The following RTN1 variants were observed in gnomAD, a reference collection of about 807,000 sequenced individuals.
The protein encoded by RTN1 is reticulon-1.
Under a neutral mutation model 65.5 loss-of-function variants are expected in RTN1, and 25 were observed. The ratio of observed to expected loss-of-function variants is 0.38; its 90% CI spans 0.28 to 0.53. The LOEUF (loss-of-function observed/expected upper bound fraction) is 0.53. Ranked by LOEUF, RTN1 falls within the 20% of genes least tolerant of loss-of-function variation. The pLI is 0.79. For missense variants in RTN1, 983 were observed against 1,025.4 expected, an observed-to-expected ratio of 0.96 and a Z score of 0.57; for synonymous variants, 471 against 447.6, an observed-to-expected ratio of 1.05 and a Z score of -0.66.
chr14:59,841,102 G>C (rs141757664), intron 1 of RTN1, among the ~76,000 whole-genome samples: 1 of 152,256 alleles, frequency 6.6e-6, no homozygotes, highest in African/African-American at 2.4e-5. Flanking sequence ...CAGAAGTGAA[G>C]ATGAAAGAGT....
At chr14:59,854,135 A>G (rs1438340904) in intron 1 of RTN1, among the ~76,000 whole-genome samples, 1 of 152,076 alleles carries the variant, frequency 6.6e-6, no homozygotes, top group Admixed American at 6.5e-5. Flanking sequence ...GCAGGATTAC[A>G]GGCGTGAGCC....
At chr14:59,601,157 C>T (rs78915521) in intron 8 of RTN1, among the ~76,000 whole-genome samples, 182 of 152,300 alleles carry the variant, frequency 1.2e-3, no homozygotes, top group African/African-American at 2.7e-3. Context: ...GTTGATCTTT[C>T]GACTCAGTTA....
At chr14:59,859,751 A>G (rs1036803830) in intron 1 of RTN1, among the ~76,000 whole-genome samples, 1 of 152,234 alleles carries the variant, frequency 6.6e-6, no homozygotes, top group Non-Finnish European at 1.5e-5. Flanking sequence ...AGCTGGTCTC[A>G]GATGGAAATG....
At chr14:59,785,990 T>C (rs868349067) in intron 1 of RTN1, among the ~76,000 whole-genome samples, 9 of 152,340 alleles carry the variant, frequency 5.9e-5, no homozygotes, top group Middle Eastern at 6.8e-3. Context: ...CAAGTCTCTG[T>C]GCTTTCTCAT....
At chr14:59,850,831 T>C (rs1320548964) in intron 1 of RTN1, among the ~76,000 whole-genome samples, 1 of 152,202 alleles carries the variant, frequency 6.6e-6, no homozygotes, top group Non-Finnish European at 1.5e-5. Flanking sequence ...AACCATCACA[T>C]GGGCACTAAG....
chr14:59,619,941 G>T (rs562938303), intron 3 of RTN1, among the ~76,000 whole-genome samples: 65 of 152,256 alleles, frequency 4.3e-4, no homozygotes, highest in Middle Eastern at 3.4e-3. Flanking sequence ...TTATCGTAAG[G>T]GGCTGGGTGG....
intron 3 of RTN1, among the ~76,000 whole-genome samples, chr14:59,670,999 C>G (rs1256766121): frequency 6.6e-6 from 1 of 152,132 alleles, no homozygotes; most frequent in Non-Finnish European, 1.5e-5. Context: ...TAGCAGTGCC[C>G]TCACTGATAC....
At chr14:59,625,303 C>T (rs993303284) in intron 3 of RTN1, among the ~76,000 whole-genome samples, 2 of 152,124 alleles carry the variant, frequency 1.3e-5, no homozygotes, top group African/African-American at 2.4e-5. Context: ...ATCAGTATTT[C>T]GTCAACCTTT....
chr14:59,635,561 GTCCTTTCAT>G lies in RTN1; in HGVS notation c.1766-28078_1766-28070del, dbSNP rs201219184. Among the ~76,000 whole-genome samples the G allele has an allele frequency of 5.0e-4, 76 of 152,268 alleles. 1 individual carries two copies. In the East Asian group the frequency reaches 0.011, roughly 23 times the overall value. ...GTGGGAAGAGTAAAAGCATTCTACA[GTCCTTTCAT>G]TGTTTAGGAGGAAAATAGAAGTACC... is the stretch of plus-strand genomic sequence containing the variant. On this transcript the variant is annotated intron_variant, in intron 3 of 8. Coordinates refer to ENST00000267484, the MANE Select transcript of RTN1 (RefSeq NM_021136.3).
intron 3 of RTN1, among the ~76,000 whole-genome samples, chr14:59,717,820 G>A (rs1268488343): frequency 6.6e-6 from 1 of 152,146 alleles, no homozygotes; most frequent in Non-Finnish European, 1.5e-5. Context: ...AAAAAGTTGG[G>A]TTACTGGAGG....
intron 1 of RTN1, among the ~76,000 whole-genome samples, chr14:59,834,571 G>C (rs780699051): frequency 7.2e-5 from 11 of 152,014 alleles, no homozygotes; most frequent in African/African-American, 2.4e-5. Flanking sequence ...CCTAATGAAA[G>C]AAGATATATG....
chr14:59,664,710 G>A (rs1337978548), intron 3 of RTN1, among the ~76,000 whole-genome samples: 1 of 151,942 alleles, frequency 6.6e-6, no homozygotes, highest in Admixed American at 6.6e-5. Flanking sequence ...ATTTTTTTCT[G>A]AGTAACATTC....
chr14:59,795,281 C>T (rs1045729574), intron 1 of RTN1, among the ~76,000 whole-genome samples: 14 of 152,174 alleles, frequency 9.2e-5, no homozygotes, highest in Non-Finnish European at 1.9e-4. Context: ...AGCAATCATT[C>T]TCTAAGACCA....
At position 59,859,835 on chromosome 14, in the gene RTN1, T is replaced by C. The variant is rs143006133; in HGVS notation, c.241+10555A>G. 1.4e-3 allele frequency among the ~76,000 whole-genome samples: 218 copies of C among 152,340 alleles called. 1 individual carries two copies. The highest frequency in any genetic ancestry group is 4.8e-3 in the African/African-American group (200 of 41,570). The stretch of plus-strand genomic sequence containing the variant: ...CAAAGAGACGGCAACATTTTGCCCT[T>C]GCCCTAGAGATTTGTGGAACTTCAA... On this transcript the variant is annotated intron_variant, in intron 1 of 8. Transcript: ENST00000267484.
chr14:59,605,313 C>T (rs934480680), intron 5 of RTN1, 55 bp downstream of exon 5: 3 of 1,567,246 alleles, frequency 1.9e-6, no homozygotes, highest in Non-Finnish European at 2.6e-6. Flanking sequence ...CAGTATTACA[C>T]CTTTAGGGAA....
chr14:59,663,887 G>C (rs1158692532), intron 3 of RTN1, among the ~76,000 whole-genome samples: 1 of 152,074 alleles, frequency 6.6e-6, no homozygotes, highest in Non-Finnish European at 1.5e-5. Flanking sequence ...AATTAGTTCA[G>C]CCATTGTGGA....
chr14:59,630,640 G>C, intron 3 of RTN1: 2 of 1,350,106 alleles, frequency 1.5e-6, no homozygotes, highest in South Asian at 3.8e-5. Context: ...GCACCAGGCG[G>C]CGCGCGGTGA....
Position 59,870,580 on chromosome 14 carries a change from G to A in RTN1, c.51C>T (p.Pro17=). The A allele has an allele frequency of 6.9e-7, 1 of 1,448,310 alleles. No individual in the cohort carries two copies. The highest frequency in any genetic ancestry group is 1.4e-5 in the South Asian group (1 of 73,800). 89.7% of individuals were successfully genotyped at this position (1,448,310 alleles called of 1,614,324 possible). ...CCCGGTGCCTGAGCCACTGGGACCC[G>A]GGGCCGGCCAGCGGCAGCAGCTCGT... ...PQDELLPLAG[P]GSQWLRHRGE... is the part of the protein sequence containing the mutation. Residue 17 remains proline (P), a synonymous_variant, in exon 1 of 9, where the codon CCC becomes CCT. Transcript: ENST00000267484. The surrounding 1 kb of genome is among the most constrained non-coding windows in gnomAD (Gnocchi z 5.1).
chr14:59,839,008 AAGGAAACAGCATC>A (rs1566743658), intron 1 of RTN1, among the ~76,000 whole-genome samples: 1 of 152,144 alleles, frequency 6.6e-6, no homozygotes, highest in East Asian at 1.9e-4. Context: ...AAAGTTTCAT[AAGGAAACAGCATC>A]AGACCAAAAG....
Sources: allele counts gnomAD v4.1 joint callset (sites outside exome capture counted in the v4.1 genomes callset), GRCh38; gene constraint gnomAD v4.1.1; non-coding constraint Gnocchi (gnomAD v3.1); transcripts MANE v1.5; gene names NCBI Gene and HGNC (gene_info 2026-07-23, HGNC 2026-07-21).